The following FAM178B variants were observed in gnomAD, a reference collection of about 807,000 sequenced individuals.
FAM178B encodes the protein family with sequence similarity 178 member B.
A neutral mutation model predicts 91.7 loss-of-function variants in FAM178B; 82 were observed. The ratio of observed to expected loss-of-function variants is 0.89; its 90% confidence interval spans 0.75 to 1.07. The LOEUF (loss-of-function observed/expected upper bound fraction) is 1.07. Ranked by LOEUF, FAM178B falls within the 50% of genes least tolerant of loss-of-function variation. The probability of loss-of-function intolerance (pLI) is 0.00; values close to 1 mark genes in which losing one functional copy is unlikely to be tolerated. For synonymous variants in FAM178B, 368 were observed against 359.4 expected (o/e 1.02, Z -0.27); for missense variants, 769 against 846.7 (o/e 0.91, Z 1.14).
At chr2:96,888,626 C>A (rs2080586806) in intron 14 of FAM178B, among the ~76,000 whole-genome samples, 1 of 152,222 alleles carries the variant, frequency 6.6e-6, no homozygotes, top group African/African-American at 2.4e-5. Context: ...GCAGGGTCAC[C>A]CAGCACAGGG....
chr2:96,913,201 T>G (rs1045773723), intron 12 of FAM178B, among the ~76,000 whole-genome samples: 1 of 152,086 alleles, frequency 6.6e-6, no homozygotes, highest in African/African-American at 2.4e-5. Flanking sequence ...GCACTGCGTT[T>G]GTCTAGTGGG....
chr2:96,902,305 C>T (rs560557862), intron 13 of FAM178B, among the ~76,000 whole-genome samples: 14 of 151,914 alleles, frequency 9.2e-5, no homozygotes, highest in Non-Finnish European at 1.6e-4. Context: ...CGGGTTTCAC[C>T]GTGTTAGCCA....
At position 96,921,484 on chromosome 2, in the gene FAM178B, T is replaced by C. The variant is rs766896739; in HGVS notation, c.1458A>G (p.Pro486=). 3 of 1,551,646 alleles carry C rather than the reference T, an allele frequency of 1.9e-6. No individual in the cohort carries two copies. The highest frequency in any genetic ancestry group is 2.4e-5 in the East Asian group (1 of 40,910). The change falls in exon 11 of 17, where the codon CCA becomes CCG. Residue 486 remains proline (P), a synonymous_variant. Transcript: ENST00000490605. ...GGCTCTGGGCGTCTAGTACCTTCCC[T>C]GGCCACTCCCGGATGTTCTCCAGGA... is the stretch of plus-strand genomic sequence containing the variant. ...LLLLENIREW[P]GKLQELCCTL...
chr2:96,902,844 T>C (rs1347517547), intron 12 of FAM178B, 137 bp from the exon 13 acceptor site: 8 of 645,828 alleles, frequency 1.2e-5, no homozygotes, highest in South Asian at 5.0e-5. Context: ...GCTTTCTCCA[T>C]TGGCTTACAG....
intron 1 of FAM178B, among the ~76,000 whole-genome samples, chr2:96,974,274 C>T (rs1315427650): frequency 6.8e-6 from 1 of 147,346 alleles, no homozygotes; most frequent in Admixed American, 7.0e-5. Context: ...CCCAGCTACT[C>T]AGGAGGCTGA....
At chr2:96,947,635 G>A (rs1474271986) in intron 8 of FAM178B, among the ~76,000 whole-genome samples, 183 bp downstream of exon 8, 1 of 152,202 alleles carries the variant, frequency 6.6e-6, no homozygotes, top group Non-Finnish European at 1.5e-5. Flanking sequence ...GTGCCGAGGA[G>A]CCTGTTGGTT....
Position 96,923,602 on chromosome 2 carries a change from AG to A in FAM178B, c.1194-20del, listed in dbSNP as rs1361867249. ...AAGCACCCTGTGGTAAGACAACAAC[AG>A]TGACGATGGGAAACCCAGGAGGGGG... On this transcript the variant is annotated intron_variant, in intron 9 of 16. Coordinates refer to ENST00000490605, the MANE Select transcript of FAM178B (RefSeq NM_001122646.3). 2.6e-6 allele frequency: 4 copies of A among 1,547,132 alleles called. No homozygotes were observed. Among genetic ancestry groups the A allele is most frequent in the Non-Finnish European group, 3.5e-6 (4 of 1,143,092 alleles).
intron 14 of FAM178B, among the ~76,000 whole-genome samples, chr2:96,880,395 A>C (rs576473376): frequency 2.3e-3 from 345 of 152,052 alleles, no homozygotes; most frequent in Non-Finnish European, 4.0e-3. Context: ...GAGTTGTGGG[A>C]ACAGGCTGGG....
At chr2:96,956,322 C>A (rs2081999191) in intron 6 of FAM178B, among the ~76,000 whole-genome samples, 1 of 152,216 alleles carries the variant, frequency 6.6e-6, no homozygotes, top group Admixed American at 6.5e-5. Flanking sequence ...CTGGGATGCA[C>A]AGCTAGCTTG....
intron 8 of FAM178B, among the ~76,000 whole-genome samples, chr2:96,933,481 C>T (rs2081576161): frequency 6.6e-6 from 1 of 152,150 alleles, no homozygotes. Flanking sequence ...GTTCTCCTGG[C>T]ACCTCTTACA....
chr2:96,901,233 C>T (rs537181030), intron 13 of FAM178B, among the ~76,000 whole-genome samples: 8 of 148,826 alleles, frequency 5.4e-5, no homozygotes, highest in African/African-American at 1.5e-4. Flanking sequence ...AGTGCAGTGG[C>T]GCGATCTCGG....
At chr2:96,936,083 T>TA (rs1559083423) in intron 8 of FAM178B, among the ~76,000 whole-genome samples, 2 of 152,124 alleles carry the variant, frequency 1.3e-5, no homozygotes, top group Non-Finnish European at 2.9e-5. Context: ...GAGTGGAGAA[T>TA]GAGTATACAG....
intron 12 of FAM178B, among the ~76,000 whole-genome samples, chr2:96,913,766 G>A (rs924720291): frequency 6.6e-6 from 1 of 152,228 alleles, no homozygotes; most frequent in Non-Finnish European, 1.5e-5. Flanking sequence ...ACCTGGCCAA[G>A]GGGTGTGGAG....
intron 8 of FAM178B, among the ~76,000 whole-genome samples, chr2:96,946,415 A>G (rs2081828853): frequency 6.6e-6 from 1 of 152,126 alleles, no homozygotes; most frequent in Admixed American, 6.5e-5. Context: ...CAGTTCTCTA[A>G]TGGACCGGGC....
In FAM178B at chr2:96,876,811, G is replaced by A. The variant is rs551410194; in HGVS notation, c.2008-503C>T. ...CCAGGTCCTGTGCCCCTCCATAGAG[G>A]ACTGGGGGCTCAGGAAGGGAGGAGA... On this transcript the variant is annotated intron_variant, in intron 16 of 16. Transcript: ENST00000490605. 5.9e-5 allele frequency among the ~76,000 whole-genome samples: 9 copies of A among 152,196 alleles called. No individual in the cohort carries two copies. The South Asian group carries it at 1.9e-3, about 32-fold the overall frequency.
chr2:96,884,276 G>A (rs1359635520), intron 14 of FAM178B, among the ~76,000 whole-genome samples: 4 of 152,190 alleles, frequency 2.6e-5, no homozygotes, highest in African/African-American at 9.6e-5. Flanking sequence ...AGATGTCTGG[G>A]CTCTCAGCCT....
At chr2:96,943,414 A>C (rs2081767114) in intron 8 of FAM178B, among the ~76,000 whole-genome samples, 1 of 152,208 alleles carries the variant, frequency 6.6e-6, no homozygotes, top group Non-Finnish European at 1.5e-5. Flanking sequence ...AGGTTCATGC[A>C]TGTTATAGCA....
intron 7 of FAM178B, among the ~76,000 whole-genome samples, chr2:96,950,938 C>T (rs949269963): frequency 1.6e-4 from 25 of 152,142 alleles, no homozygotes; most frequent in African/African-American, 5.8e-4. Context: ...ACGGCCCTCC[C>T]GCTGCGTATG....
chr2:96,888,706 C>T lies in FAM178B; in HGVS notation c.1776+5220G>A, dbSNP rs150620733. On this transcript the variant is annotated intron_variant, in intron 14 of 16. Transcript: ENST00000490605. ...TGTTTGCCAACTCTATCAACACACG[C>T]GGCACACCACAAGGATATACAGGAG... is the stretch of plus-strand genomic sequence containing the variant. Among the ~76,000 whole-genome samples, 194 of 152,374 alleles carry T rather than the reference C, an allele frequency of 1.3e-3. 1 individual carries two copies. Among genetic ancestry groups the T allele is most frequent in the African/African-American group, 4.4e-3 (183 of 41,582 alleles).
Sources: gnomAD v4.1 joint callset for allele counts (sites outside exome capture counted in the v4.1 genomes callset) on GRCh38, gnomAD v4.1.1 for gene constraint, MANE v1.5 for transcripts, NCBI Gene and HGNC (gene_info 2026-07-23, HGNC 2026-07-21) for gene names.